GRID2: variants seen among roughly 807,000 people sequenced by gnomAD.
GRID2 encodes glutamate receptor ionotropic, delta-2.
GRID2 carries 33 observed loss-of-function variants against 114.8 expected under a neutral mutation model. That is an observed-to-expected ratio of 0.29 (90% CI 0.22 to 0.38). GRID2 has a LOEUF of 0.38. Ranked by LOEUF, GRID2 falls within the 10% of genes least tolerant of loss-of-function variation. The pLI, the probability that GRID2 is intolerant of heterozygous loss-of-function variation, is 1.00. For missense variants in GRID2, 1,184 were observed against 1,257.7 expected, an observed-to-expected ratio of 0.94 and a Z score of 0.89; for synonymous variants, 505 against 449.9, an observed-to-expected ratio of 1.12 and a Z score of -1.55.
intron 2 of GRID2, among the ~76,000 whole-genome samples, chr4:92,704,723 T>TCTCTCTTTC (rs1734861937): frequency 6.2e-4 from 56 of 90,096 alleles, no homozygotes; most frequent in African/African-American, 1.2e-3. Flanking sequence ...CTCTCTCTCT[T>TCTCTCTTTC]TCTCTCTCTC....
At chr4:92,487,569 A>G (rs7666359) in intron 1 of GRID2, among the ~76,000 whole-genome samples, 4 of 152,190 alleles carry the variant, frequency 2.6e-5, no homozygotes, top group Admixed American at 2.6e-4. Flanking sequence ...TCCAATAAAT[A>G]ACTACATTGT....
At chr4:92,850,164 C>T (rs1560637724) in intron 2 of GRID2, among the ~76,000 whole-genome samples, 1 of 150,986 alleles carries the variant, frequency 6.6e-6, no homozygotes, top group Non-Finnish European at 1.5e-5. Context: ...CATTGTTTTT[C>T]TAGTAATATA....
At chr4:92,718,033 T>C (rs987027705) in intron 2 of GRID2, among the ~76,000 whole-genome samples, 1 of 152,156 alleles carries the variant, frequency 6.6e-6, no homozygotes, top group African/African-American at 2.4e-5. Flanking sequence ...TCTAAAAATA[T>C]ATATTACTCA....
chr4:93,446,740 G>A (rs1410010721), intron 10 of GRID2, among the ~76,000 whole-genome samples: 1 of 151,926 alleles, frequency 6.6e-6, no homozygotes, highest in Non-Finnish European at 1.5e-5. Context: ...AATTCTGGCT[G>A]AAGTATTTTA....
intron 2 of GRID2, among the ~76,000 whole-genome samples, chr4:92,914,455 A>G (rs1748630615): frequency 6.6e-6 from 1 of 152,084 alleles, no homozygotes; most frequent in Non-Finnish European, 1.5e-5. Flanking sequence ...GTGTAAGTGC[A>G]GGTTTGTTAC....
chr4:93,053,790 G>T (rs1259671237), intron 2 of GRID2, among the ~76,000 whole-genome samples: 1 of 151,914 alleles, frequency 6.6e-6, no homozygotes, highest in Non-Finnish European at 1.5e-5. Flanking sequence ...GAGTAGAGGA[G>T]ACTGGATAAT....
chr4:93,322,000 C>A (rs1011961252), intron 8 of GRID2, among the ~76,000 whole-genome samples: 3 of 151,154 alleles, frequency 2.0e-5, no homozygotes, highest in African/African-American at 7.3e-5. Flanking sequence ...ATTAAACAAT[C>A]TTTCTTCCTG....
chr4:93,678,624 A>C (rs921754831), intron 14 of GRID2, among the ~76,000 whole-genome samples: 72 of 152,294 alleles, frequency 4.7e-4, no homozygotes, highest in South Asian at 8.3e-4. Flanking sequence ...GCCAATATTC[A>C]ACATTCTTAA....
intron 1 of GRID2, among the ~76,000 whole-genome samples, chr4:92,377,298 G>A (rs1729402117): frequency 6.6e-6 from 1 of 152,110 alleles, no homozygotes; most frequent in African/African-American, 2.4e-5. Context: ...AATGCTGCCA[G>A]TCTCTTTGCC....
At chr4:93,354,986 A>G (rs553792493) in intron 8 of GRID2, among the ~76,000 whole-genome samples, 2 of 151,218 alleles carry the variant, frequency 1.3e-5, no homozygotes, top group South Asian at 4.2e-4. Context: ...TTTCTTCTAG[A>G]TATTCTACAT....
chr4:92,862,953 C>G (rs1464915417), intron 2 of GRID2, among the ~76,000 whole-genome samples: 1 of 152,048 alleles, frequency 6.6e-6, no homozygotes, highest in Admixed American at 6.6e-5. Context: ...TTTTAGAAAA[C>G]TCCATTCATT....
At chr4:93,429,424 T>A (rs569151558) in intron 10 of GRID2, among the ~76,000 whole-genome samples, 1 of 152,320 alleles carries the variant, frequency 6.6e-6, no homozygotes, top group Admixed American at 6.5e-5. Flanking sequence ...ACTTAAAAAA[T>A]TCCTTTGGGG....
At position 92,687,699 on chromosome 4, in the gene GRID2, C is replaced by T. The variant is rs374727969; in HGVS notation, c.244+97413C>T. 3.6e-4 allele frequency among the ~76,000 whole-genome samples: 55 copies of T among 151,996 alleles called. 1 individual carries two copies. The highest frequency in any genetic ancestry group is 6.8e-4 in the African/African-American group (28 of 41,476). On this transcript the variant is annotated intron_variant, in intron 2 of 15. Coordinates refer to ENST00000282020, the MANE Select transcript of GRID2 (RefSeq NM_001510.4). ...AAAAAATTAGCTGGGCGTTGTGGCC[C>T]GCGCCTATAATCGCAGCTACTCAGG...
chr4:93,617,582 T>A (rs902618194), intron 13 of GRID2, among the ~76,000 whole-genome samples: 1 of 152,178 alleles, frequency 6.6e-6, no homozygotes, highest in Non-Finnish European at 1.5e-5. Context: ...TCATTTAGCC[T>A]TATTTTTCAG....
intron 4 of GRID2, among the ~76,000 whole-genome samples, chr4:93,151,227 G>A (rs922324846): frequency 1.6e-4 from 24 of 152,066 alleles, no homozygotes; most frequent in African/African-American, 5.8e-4. Context: ...CCCTTTCTTG[G>A]TGTTAAAGAG....
At chr4:92,721,802 G>A (rs1735822427) in intron 2 of GRID2, among the ~76,000 whole-genome samples, 1 of 152,144 alleles carries the variant, frequency 6.6e-6, no homozygotes, top group Admixed American at 6.6e-5. Context: ...TTAACATCAA[G>A]AGCAGAAGGC....
chr4:93,614,053 C>T (rs967124641), intron 13 of GRID2, among the ~76,000 whole-genome samples: 35 of 152,122 alleles, frequency 2.3e-4, no homozygotes, highest in African/African-American at 8.2e-4. Flanking sequence ...GCGCAATATT[C>T]GGGTGGGAGT....
intron 2 of GRID2, among the ~76,000 whole-genome samples, chr4:92,741,221 ATTAT>A (rs1395421585): frequency 7.9e-5 from 12 of 152,154 alleles, no homozygotes; most frequent in African/African-American, 2.9e-4. Flanking sequence ...GGGGAAAGTG[ATTAT>A]TCCTATCTCA....
At chr4:93,110,468 G>A (rs1012573798) in intron 3 of GRID2, among the ~76,000 whole-genome samples, 12 of 152,060 alleles carry the variant, frequency 7.9e-5, no homozygotes, top group African/African-American at 1.4e-4. Context: ...AACCATCTCC[G>A]TGCACCCTCA....
Sources: allele counts gnomAD v4.1 joint callset (sites outside exome capture counted in the v4.1 genomes callset), GRCh38; gene constraint gnomAD v4.1.1; transcripts MANE v1.5; gene names NCBI Gene and HGNC (gene_info 2026-07-23, HGNC 2026-07-21).